Variants in NCAM2 observed in about 807,000 individuals in gnomAD.
NCAM2 encodes the protein neural cell adhesion molecule 2.
A neutral mutation model predicts 98.1 loss-of-function variants in NCAM2; 30 were observed. The ratio of observed to expected loss-of-function variants is 0.31; its 90% CI spans 0.23 to 0.41. The LOEUF (loss-of-function observed/expected upper bound fraction) is 0.41. Among genes scored for constraint, NCAM2 ranks in the 10% least tolerant of loss-of-function variants. NCAM2 has a pLI of 1.00. For synonymous variants in NCAM2, 368 were observed against 342.4 expected, an observed-to-expected ratio of 1.07 and a Z score of -0.83; for missense variants, 867 against 1,005.8, an observed-to-expected ratio of 0.86 and a Z score of 1.87.
At chr21:21,354,109 T>C (rs1477195066) in intron 8 of NCAM2, among the ~76,000 whole-genome samples, 2 of 152,154 alleles carry the variant, frequency 1.3e-5, no homozygotes, top group Non-Finnish European at 2.9e-5. Context: ...ATCATAAATA[T>C]AAAGTGCTTA....
At position 21,538,123 on chromosome 21, in the gene NCAM2, T is replaced by TTTTG. The variant is rs1323825548; in HGVS notation, c.*169_*172dup. 5.1e-6 allele frequency: 2 copies of TTTTG among 390,282 alleles called. No individual in the cohort carries two copies. Among genetic ancestry groups the TTTTG allele is most frequent in the Admixed American group, 9.1e-5 (2 of 21,954 alleles). The allele number at this position is 390,282 out of a possible 1,614,324, so 24.2% of individuals were successfully genotyped here. A position where few individuals can be genotyped will look rare whatever the true frequency, so the allele number is the denominator to read the frequency against. The stretch of plus-strand genomic sequence containing the variant: ...ATACTCCTGCCCATGATCCATTCCC[T>TTTTG]TTTGTTATTGTTGTTGTTGTTGCTG... On this transcript the variant is annotated 3_prime_UTR_variant, in exon 18 of 18. Transcript: ENST00000400546.
intron 1 of NCAM2, among the ~76,000 whole-genome samples, chr21:21,233,932 T>A (rs1046810838): frequency 6.6e-6 from 1 of 151,764 alleles, no homozygotes; most frequent in Non-Finnish European, 1.5e-5. Flanking sequence ...AAAGAAGTTA[T>A]AATTTTTATG....
chr21:21,309,742 CAGAG>C (rs2073987372), intron 5 of NCAM2, among the ~76,000 whole-genome samples: 2 of 152,160 alleles, frequency 1.3e-5, no homozygotes, highest in Admixed American at 6.5e-5. Context: ...CCTCCGCACT[CAGAG>C]AGACCTCTAA....
intron 1 of NCAM2, among the ~76,000 whole-genome samples, chr21:21,198,858 G>C (rs568149758): frequency 6.6e-6 from 1 of 152,238 alleles, no homozygotes; most frequent in African/African-American, 2.4e-5. Context: ...GCATTCAAGA[G>C]AGTTTTTACC....
intron 9 of NCAM2, among the ~76,000 whole-genome samples, chr21:21,383,249 C>T (rs2076197480): frequency 1.3e-5 from 2 of 152,254 alleles, no homozygotes; most frequent in South Asian, 4.1e-4. Flanking sequence ...GTGACTCAAA[C>T]CTCAAGTGAT....
At chr21:21,345,169 C>T (rs1192800996) in intron 8 of NCAM2, among the ~76,000 whole-genome samples, 1 of 151,738 alleles carries the variant, frequency 6.6e-6, no homozygotes, top group East Asian at 1.9e-4. Context: ...ACAAATAAGC[C>T]CAAACAGTGA....
In NCAM2 at chr21:21,012,759, G is replaced by A. The variant is rs187495685; in HGVS notation, c.55+14141G>A. Among the ~76,000 whole-genome samples, 4 of 151,578 alleles carry A rather than the reference G, an allele frequency of 2.6e-5. No homozygotes were observed. The East Asian group carries it at 7.8e-4, about 29-fold the overall frequency. On this transcript the variant is annotated intron_variant, in intron 1 of 17. Transcript: ENST00000400546. The stretch of plus-strand genomic sequence containing the variant: ...CCCCCCTGTGTCAAGCAAATCTATC[G>A]GCCTCATTTTTCTGATAGCATATGC...
At chr21:21,143,547 G>GT (rs1257453162) in intron 1 of NCAM2, among the ~76,000 whole-genome samples, 1 of 152,080 alleles carries the variant, frequency 6.6e-6, no homozygotes, top group Non-Finnish European at 1.5e-5. Context: ...TCTGTGTATA[G>GT]TTTTATACTT....
At chr21:21,125,664 ATATC>A (rs1193550223) in intron 1 of NCAM2, among the ~76,000 whole-genome samples, 1 of 133,192 alleles carries the variant, frequency 7.5e-6, no homozygotes, top group Admixed American at 8.7e-5. Context: ...AGAGATATAT[ATATC>A]TATATATAGA....
At position 21,540,744 on chromosome 21, in the gene NCAM2, C is replaced by T. The variant is rs924570059; in HGVS notation, c.*2787C>T. The T allele has an allele frequency of 1.2e-4, 18 of 151,536 alleles. No individual in the cohort carries two copies. The highest frequency in any genetic ancestry group is 3.4e-4 in the African/African-American group (14 of 41,288). The allele number at this position is 151,536 out of a possible 1,614,324, so 9.4% of individuals were successfully genotyped here. ...ATTTGAACCCTATGATATTTTAAAC[C>T]AAGAGGCAAAGATATCACCTAAAAC... is the stretch of plus-strand genomic sequence containing the variant. On this transcript the variant is annotated 3_prime_UTR_variant, in exon 18 of 18. Coordinates refer to ENST00000400546, the MANE Select transcript of NCAM2 (RefSeq NM_004540.5).
At chr21:21,190,367 G>C (rs1416509442) in intron 1 of NCAM2, among the ~76,000 whole-genome samples, 1 of 152,170 alleles carries the variant, frequency 6.6e-6, no homozygotes, top group Non-Finnish European at 1.5e-5. Context: ...TAAGATCTTA[G>C]TTGCTTTGCC....
chr21:21,189,970 G>A (rs893469204), intron 1 of NCAM2, among the ~76,000 whole-genome samples: 11 of 152,156 alleles, frequency 7.2e-5, no homozygotes, highest in African/African-American at 2.7e-4. Flanking sequence ...GGGCAAGGTG[G>A]TTCTATTTGT....
intron 1 of NCAM2, among the ~76,000 whole-genome samples, chr21:21,269,678 A>G (rs1418143604): frequency 6.6e-6 from 1 of 152,174 alleles, no homozygotes; most frequent in East Asian, 1.9e-4. Flanking sequence ...TCTCACATTA[A>G]TGGTAACATC....
intron 1 of NCAM2, among the ~76,000 whole-genome samples, chr21:21,172,448 G>A (rs1800388055): frequency 6.6e-6 from 1 of 152,098 alleles, no homozygotes; most frequent in African/African-American, 2.4e-5. Context: ...TGTGCCATCT[G>A]TAAGTCTGAA....
intron 1 of NCAM2, among the ~76,000 whole-genome samples, chr21:21,050,144 A>G (rs1159852611): frequency 2.6e-5 from 4 of 152,116 alleles, no homozygotes; most frequent in Non-Finnish European, 5.9e-5. Flanking sequence ...TGCAAAAAAA[A>G]AAAAGGTTTT....
At chr21:21,375,733 T>G (rs1386360072) in intron 9 of NCAM2, among the ~76,000 whole-genome samples, 1 of 151,516 alleles carries the variant, frequency 6.6e-6, no homozygotes, top group Non-Finnish European at 1.5e-5. Flanking sequence ...TTTCTAAATG[T>G]GAATCTAAAT....
chr21:21,266,922 A>T (rs1331532558), intron 1 of NCAM2, among the ~76,000 whole-genome samples: 1 of 152,172 alleles, frequency 6.6e-6, no homozygotes, highest in Non-Finnish European at 1.5e-5. Flanking sequence ...ACACAGAGAG[A>T]CATATGCAGG....
At chr21:21,022,864 A>G (rs2064465801) in intron 1 of NCAM2, among the ~76,000 whole-genome samples, 1 of 152,124 alleles carries the variant, frequency 6.6e-6, no homozygotes, top group Non-Finnish European at 1.5e-5. Flanking sequence ...AGATCTTACA[A>G]TAATTAAATA....
chr21:21,481,562 T>G (rs1985888923), intron 15 of NCAM2, among the ~76,000 whole-genome samples: 1 of 152,276 alleles, frequency 6.6e-6, no homozygotes, highest in East Asian at 1.9e-4. Context: ...TTTAATGCTT[T>G]CAGGAAGTTT....
Sources: gnomAD v4.1 joint callset for allele counts (sites outside exome capture counted in the v4.1 genomes callset) on GRCh38, gnomAD v4.1.1 for gene constraint, MANE v1.5 for transcripts, NCBI Gene and HGNC (gene_info 2026-07-23, HGNC 2026-07-21) for gene names.